SOS1: variants seen among roughly 807,000 people sequenced by gnomAD.
SOS1 encodes the protein son of sevenless homolog 1.
A neutral mutation model predicts 157.6 loss-of-function variants in SOS1; 25 were observed. That is an observed-to-expected ratio of 0.16 (90% CI 0.12 to 0.22). The LOEUF is 0.22. Among genes scored for constraint, SOS1 ranks in the 10% least tolerant of loss-of-function variants. SOS1 has a pLI of 1.00. For synonymous variants in SOS1, 528 were observed against 534.0 expected (o/e 0.99, Z 0.16); for missense variants, 1,237 against 1,599.1 (o/e 0.77, Z 3.86).
chr2:39,000,377 G>A (rs542671625), intron 17 of SOS1, among the ~76,000 whole-genome samples: 16 of 151,974 alleles, frequency 1.1e-4, no homozygotes, highest in Middle Eastern at 3.4e-3. Flanking sequence ...GTATATGTGT[G>A]TATGTATAAC....
In SOS1 at chr2:39,114,676, C is replaced by T. The variant is rs571590885; in HGVS notation, c.87+5660G>A. Among the ~76,000 whole-genome samples the T allele has an allele frequency of 1.1e-4, 17 of 152,184 alleles. No individual in the cohort carries two copies. In the East Asian group the frequency reaches 3.1e-3, roughly 28 times the overall value. Reference sequence around the variant, plus strand: ...CTGGAGTACAGTGGTGTGATCTCAGCTCACTGAAGCCTCCAACTCCCAGGA... The same window carrying T: ...CTGGAGTACAGTGGTGTGATCTCAGTTCACTGAAGCCTCCAACTCCCAGGA... On this transcript the variant is annotated intron_variant, in intron 1 of 22. Transcript: ENST00000402219.
intron 12 of SOS1, 31 bp from the exon 13 acceptor site, chr2:39,013,594 G>C: frequency 7.5e-7 from 1 of 1,338,086 alleles, no homozygotes; most frequent in Non-Finnish European, 1.1e-6. Flanking sequence ...TGAATTACAT[G>C]GGAATCAAAC....
rs1192442612 is a variant in SOS1, at chr2:39,010,884, AT to A, written c.2391-182del. Reference sequence around the variant, plus strand: ...TGTAATTATGCATATTTCCTTATGGATTTTTTTTAAACTTTTTTTTTTTTTT... The same window carrying A: ...TGTAATTATGCATATTTCCTTATGGATTTTTTTAAACTTTTTTTTTTTTTT... On this transcript the variant is annotated intron_variant, in intron 14 of 22. Transcript: ENST00000402219. Among the ~76,000 whole-genome samples the A allele has an allele frequency of 5.9e-5, 8 of 135,118 alleles. No homozygotes were observed. The East Asian group carries it at 1.1e-3, about 19-fold the overall frequency. The allele number at this position is 135,118 out of a possible 152,430, so 88.6% of individuals were successfully genotyped here.
intron 1 of SOS1, among the ~76,000 whole-genome samples, chr2:39,103,802 G>A (rs1018268855): frequency 1.2e-4 from 19 of 152,116 alleles, no homozygotes; most frequent in African/African-American, 4.6e-4. Flanking sequence ...ATCTGACTTC[G>A]TCAAAATTAA....
At chr2:38,995,096 T>TA in intron 20 of SOS1, 27 bp downstream of exon 20, 1 of 1,603,276 alleles carries the variant, frequency 6.2e-7, no homozygotes, top group African/African-American at 1.3e-5. Context: ...ACAAATACCT[T>TA]AATGCACTTA....
intron 1 of SOS1, 134 bp downstream of exon 1, chr2:39,120,202 G>C: frequency 2.7e-6 from 2 of 752,580 alleles, no homozygotes; most frequent in Non-Finnish European, 3.9e-6. Flanking sequence ...GCCTCTCCGT[G>C]TGCGCCGTCC....
At chr2:39,084,904 GTTCCTC>G (rs1000747621) in intron 1 of SOS1, among the ~76,000 whole-genome samples, 1 of 152,164 alleles carries the variant, frequency 6.6e-6, no homozygotes, top group African/African-American at 2.4e-5. Context: ...TGATTTTTTA[GTTCCTC>G]TTCAACTATG....
chr2:39,003,526 A>G (rs1368158874), intron 17 of SOS1, among the ~76,000 whole-genome samples: 1 of 152,224 alleles, frequency 6.6e-6, no homozygotes, highest in Middle Eastern at 3.2e-3. Flanking sequence ...CATATTTTGT[A>G]AACATGATTA....
intron 17 of SOS1, among the ~76,000 whole-genome samples, chr2:39,005,495 A>T (rs867385306): frequency 2.0e-4 from 30 of 152,174 alleles, no homozygotes; most frequent in African/African-American, 6.8e-4. Flanking sequence ...AAGATTATTT[A>T]ATAAAATACA....
At chr2:39,062,387 C>A (rs1671435601) in intron 2 of SOS1, among the ~76,000 whole-genome samples, 2 of 139,434 alleles carry the variant, frequency 1.4e-5, no homozygotes, top group African/African-American at 5.3e-5. Flanking sequence ...CACTGCACTC[C>A]AGCCTGGGTG....
intron 10 of SOS1, among the ~76,000 whole-genome samples, chr2:39,019,649 A>G (rs1669733790): frequency 6.6e-6 from 1 of 151,696 alleles, no homozygotes; most frequent in Non-Finnish European, 1.5e-5. Flanking sequence ...CCACTTTCTA[A>G]TTCACCTAAA....
chr2:39,019,581 G>C (rs952245160), intron 10 of SOS1, among the ~76,000 whole-genome samples: 6 of 151,670 alleles, frequency 4.0e-5, no homozygotes, highest in Admixed American at 2.6e-4. Context: ...GAATCTGAGA[G>C]ACAAGCTATA....
At chr2:39,045,060 G>GT (rs1670714843) in intron 6 of SOS1, among the ~76,000 whole-genome samples, 1 of 152,042 alleles carries the variant, frequency 6.6e-6, no homozygotes, top group African/African-American at 2.4e-5. Flanking sequence ...ATACTTTATT[G>GT]TTTAGGGTAT....
chr2:39,118,491 G>C (rs1673741443), intron 1 of SOS1, among the ~76,000 whole-genome samples: 1 of 152,194 alleles, frequency 6.6e-6, no homozygotes, highest in African/African-American at 2.4e-5. Context: ...ATATCAGCTA[G>C]ATTATGTACA....
upstream of SOS1, among the ~76,000 whole-genome samples, chr2:39,122,848 C>G (rs1673942383): frequency 6.6e-6 from 1 of 151,928 alleles, no homozygotes; most frequent in African/African-American, 2.4e-5. Flanking sequence ...CCGGTCAGCC[C>G]TCTTCAAATA....
chr2:39,010,788 A>G lies in SOS1; in HGVS notation c.2391-85T>C. On this transcript the variant is annotated intron_variant, in intron 14 of 22. Transcript: ENST00000402219. ...TATTAAGTAAAGGAGACAAATAAAA[A>G]CTAAACTCTCATATGAACTTTCCTC... is the stretch of plus-strand genomic sequence containing the variant. 3.6e-6 allele frequency: 4 copies of G among 1,116,636 alleles called. No homozygotes were observed. In the Admixed American group the frequency reaches 5.4e-5, roughly 15 times the overall value. The allele number at this position is 1,116,636 out of a possible 1,614,324, so 69.2% of individuals were successfully genotyped here.
At chr2:39,007,524 A>G (rs1490621577) in intron 15 of SOS1, 3 of 242,510 alleles carry the variant, frequency 1.2e-5, no homozygotes, top group Non-Finnish European at 2.4e-5. Context: ...ATGTGGGTGT[A>G]TTCTAGTAGA....
chr2:39,081,518 C>G (rs1371904248), intron 1 of SOS1, among the ~76,000 whole-genome samples: 1 of 150,392 alleles, frequency 6.6e-6, no homozygotes, highest in African/African-American at 2.4e-5. Flanking sequence ...AGACTGTCCT[C>G]GGTAAAAAAA....
At chr2:39,052,256 A>G (rs1417662970) in intron 5 of SOS1, among the ~76,000 whole-genome samples, 1 of 151,984 alleles carries the variant, frequency 6.6e-6, no homozygotes, top group Non-Finnish European at 1.5e-5. Flanking sequence ...TTGTATTTAA[A>G]TTAAAATTGG....
Sources: gnomAD v4.1 joint callset for allele counts (sites outside exome capture counted in the v4.1 genomes callset) on GRCh38, gnomAD v4.1.1 for gene constraint, MANE v1.5 for transcripts, NCBI Gene and HGNC (gene_info 2026-07-23, HGNC 2026-07-21) for gene names.